LYZL1: variants seen among roughly 807,000 people sequenced by gnomAD.
LYZL1 encodes lysozyme-like protein 1.
In LYZL1, 16 loss-of-function variants were observed where a neutral mutation model predicts 17.9. The ratio of observed to expected loss-of-function variants is 0.90; its 90% CI spans 0.61 to 1.36. The LOEUF is 1.36. Among genes scored for constraint, LYZL1 ranks in the 40% most tolerant of loss-of-function variants. The pLI, the probability that LYZL1 is intolerant of heterozygous loss-of-function variation, is 0.00. For synonymous variants in LYZL1, 58 were observed against 71.8 expected (o/e 0.81, Z 0.97); for missense variants, 149 against 188.4 (o/e 0.79, Z 1.22).
intron 1 of LYZL1, among the ~76,000 whole-genome samples, chr10:29,290,468 T>C (rs2768668): frequency 0.99 from 150,706 of 152,258 alleles, 74,601 homozygotes; most frequent in Middle Eastern, 1. Context: ...CCCAGTCAGG[T>C]GCCAGACTTT....
At chr10:29,304,351 CTTATATTAATT>C (rs1286072699) in intron 3 of LYZL1, among the ~76,000 whole-genome samples, 29 of 152,040 alleles carry the variant, frequency 1.9e-4, no homozygotes, top group African/African-American at 7.0e-4. Flanking sequence ...GTCTAGTGCA[CTTATATTAATT>C]TTATTTTTCA....
chr10:29,293,127 C>CTTTTTTTTTTTTTTTTTTTTTTTTTT (rs778807136), intron 3 of LYZL1, among the ~76,000 whole-genome samples: 10 of 104,200 alleles, frequency 9.6e-5, no homozygotes, highest in Non-Finnish European at 1.8e-4. Context: ...CTTTTCTTTT[C>CTTTTTTTTTTTTTTTTTTTTTTTTTT]TTTTTTCTTT....
chr10:29,289,705 C>T (rs1266394253), intron 1 of LYZL1, among the ~76,000 whole-genome samples: 1 of 152,204 alleles, frequency 6.6e-6, no homozygotes, highest in South Asian at 2.1e-4. Context: ...AGGTATCACC[C>T]ACCATGCCTG....
intron 3 of LYZL1, among the ~76,000 whole-genome samples, chr10:29,306,424 C>T (rs1835591655): frequency 1.4e-5 from 2 of 144,598 alleles, no homozygotes; most frequent in South Asian, 4.5e-4. Context: ...GTGGCGGGCG[C>T]CTGTAGTCCC....
At chr10:29,316,209 C>G (rs959140314), downstream of LYZL1, among the ~76,000 whole-genome samples, 3 of 152,210 alleles carry the variant, frequency 2.0e-5, no homozygotes, top group Admixed American at 2.0e-4. Context: ...TCACAGCACT[C>G]TGCCTTGAGC....
intron 3 of LYZL1, among the ~76,000 whole-genome samples, chr10:29,307,431 A>G (rs1353458229): frequency 7.2e-5 from 11 of 152,194 alleles, no homozygotes; most frequent in Non-Finnish European, 1.0e-4. Context: ...GCTGCTGCCA[A>G]TGTCAGCATT....
At chr10:29,294,538 G>C (rs955359454) in intron 3 of LYZL1, among the ~76,000 whole-genome samples, 32 of 152,190 alleles carry the variant, frequency 2.1e-4, no homozygotes, top group Admixed American at 1.8e-3. Context: ...AGTCCCTTGA[G>C]GGCAGAGAGT....
chr10:29,304,040 C>T (rs1239620884), intron 3 of LYZL1, among the ~76,000 whole-genome samples: 1 of 152,318 alleles, frequency 6.6e-6, no homozygotes, highest in East Asian at 1.9e-4. Flanking sequence ...GGATTACAGG[C>T]GTGAGCCACT....
At position 29,310,972 on chromosome 10, in the gene LYZL1, C is replaced by T; in HGVS notation, c.378-18C>T. On this transcript the variant is annotated intron_variant, in intron 4 of 4. Coordinates refer to ENST00000649382, the MANE Select transcript of LYZL1 (RefSeq NM_032517.6). Reference sequence around the variant, plus strand: ...GTCACGCTTCTTTCTGCTGCTCCTGCTTCCCTCTCATCCTCAGGCAAGGCT... The same window carrying T: ...GTCACGCTTCTTTCTGCTGCTCCTGTTTCCCTCTCATCCTCAGGCAAGGCT... The T allele has an allele frequency of 6.2e-7, 1 of 1,614,192 alleles. No individual in the cohort carries two copies. The highest frequency in any genetic ancestry group is 1.3e-5 in the African/African-American group (1 of 75,068).
chr10:29,301,769 C>T (rs1242928441), intron 3 of LYZL1, among the ~76,000 whole-genome samples: 1 of 152,068 alleles, frequency 6.6e-6, no homozygotes, highest in Non-Finnish European at 1.5e-5. Context: ...TTCTTTTCTC[C>T]TTCAAGGATT....
Position 29,310,148 on chromosome 10 carries a change from G to C in LYZL1, c.337G>C (p.Ala113Pro). The C allele has an allele frequency of 6.2e-7, 1 of 1,612,454 alleles. No individual in the cohort carries two copies. The highest frequency in any genetic ancestry group is 1.1e-5 in the South Asian group (1 of 91,000). ...TGACCTCACAGATGCAATTATCTGT[G>C]CCAGGAAAATTGTTAAAGAGACACA... is the stretch of plus-strand genomic sequence containing the variant. ...TDDLTDAIICARKIVKETQGM... is the reference protein window; with the variant it reads ...TDDLTDAIICPRKIVKETQGM... Residue 113 changes from alanine (A) to proline (P), a missense_variant, in exon 4 of 5, where the codon GCC becomes CCC. Transcript: ENST00000649382.
chr10:29,315,661 A>G (rs1835721782), downstream of LYZL1, among the ~76,000 whole-genome samples: 1 of 151,994 alleles, frequency 6.6e-6, no homozygotes, highest in Admixed American at 6.6e-5. Context: ...CAGCATGGGC[A>G]ACAGAGTGAG....
rs149433242 is a variant in LYZL1, at chr10:29,295,718, C to G, written c.298+3041C>G. Among the ~76,000 whole-genome samples, 172 of 152,238 alleles carry G rather than the reference C, an allele frequency of 1.1e-3. 1 individual carries two copies. The highest frequency in any genetic ancestry group is 3.9e-3 in the African/African-American group (164 of 41,528). On this transcript the variant is annotated intron_variant, in intron 3 of 4. Transcript: ENST00000649382. Reference sequence around the variant, plus strand: ...GTCTTTAAAAGCAGAGAATCTTGCCCAGCTGTGGTCAGAGAGAGCTCCAAT... The same window carrying G: ...GTCTTTAAAAGCAGAGAATCTTGCCGAGCTGTGGTCAGAGAGAGCTCCAAT...
chr10:29,314,157 C>T (rs761754753), downstream of LYZL1, among the ~76,000 whole-genome samples: 1 of 152,128 alleles, frequency 6.6e-6, no homozygotes, highest in Non-Finnish European at 1.5e-5. Context: ...CAAGCCTGGC[C>T]CAGCCAACAC....
At chr10:29,306,298 C>G (rs1441371580) in intron 3 of LYZL1, among the ~76,000 whole-genome samples, 5 of 137,436 alleles carry the variant, frequency 3.6e-5, no homozygotes, top group African/African-American at 5.4e-5. Context: ...CGCCTGTAAT[C>G]CCAGCACTTT....
rs1387803027 is a variant in LYZL1 at position 29,306,661 on chromosome 10, G to A, written c.299-3449G>A. Among the ~76,000 whole-genome samples, 6 of 151,058 alleles carry A rather than the reference G, an allele frequency of 4.0e-5. No homozygotes were observed. In the South Asian group the frequency reaches 1.3e-3, roughly 32 times the overall value. On this transcript the variant is annotated intron_variant, in intron 3 of 4. Coordinates refer to ENST00000649382, the MANE Select transcript of LYZL1 (RefSeq NM_032517.6). ...TTTTTGAATTTTTCCCAGCTTTAGTGAGGTATAATTGACAAATCAAAATAA... is the reference window on the plus strand; with the variant it reads ...TTTTTGAATTTTTCCCAGCTTTAGTAAGGTATAATTGACAAATCAAAATAA...
At chr10:29,290,427 C>T (rs58997300) in intron 1 of LYZL1, among the ~76,000 whole-genome samples, 2,679 of 152,292 alleles carry the variant, frequency 0.018, 23 homozygotes, top group South Asian at 0.03. Context: ...TTCCTCCTTT[C>T]ATGAGGCTTT....
chr10:29,293,404 A>G (rs539006077), intron 3 of LYZL1, among the ~76,000 whole-genome samples: 1 of 151,982 alleles, frequency 6.6e-6, no homozygotes, highest in African/African-American at 2.4e-5. Context: ...TCAGAGTGCT[A>G]TAGTTATTGG....
intron 4 of LYZL1, among the ~76,000 whole-genome samples, chr10:29,310,625 A>ACTCAGCAGAAAGCGTC (rs1272544307): frequency 6.6e-6 from 1 of 152,154 alleles, no homozygotes; most frequent in Non-Finnish European, 1.5e-5. Context: ...TGTCATGGCG[A>ACTCAGCAGAAAGCGTC]CTCAGCAGAA....
Sources: gnomAD v4.1 joint callset for allele counts (sites outside exome capture counted in the v4.1 genomes callset) on GRCh38, gnomAD v4.1.1 for gene constraint, MANE v1.5 for transcripts, NCBI Gene and HGNC (gene_info 2026-07-23, HGNC 2026-07-21) for gene names.